Variants in MBNL3 observed in about 807,000 individuals in gnomAD.
The protein encoded by MBNL3 is muscleblind like splicing regulator 3.
A neutral mutation model predicts 24.5 loss-of-function variants in MBNL3; 6 were observed. That is an observed-to-expected ratio of 0.25 (90% CI 0.13 to 0.48). MBNL3 has a LOEUF of 0.48. Among genes scored for constraint, MBNL3 ranks in the 20% least tolerant of loss-of-function variants. The pLI is 0.99. For synonymous variants in MBNL3, 100 were observed against 101.7 expected (o/e 0.98, Z 0.10); for missense variants, 230 against 293.5 (o/e 0.78, Z 1.58).
At chrX:132,415,743 A>G (rs755245141) in intron 2 of MBNL3, among the ~76,000 whole-genome samples, 27 of 111,602 alleles carry the variant, frequency 2.4e-4, no homozygotes, top group African/African-American at 8.8e-4. Flanking sequence ...TCACACTCCT[A>G]CCCTACTACC....
At chrX:132,442,909 G>A (rs1433733422) in intron 1 of MBNL3, among the ~76,000 whole-genome samples, 1 of 111,962 alleles carries the variant, frequency 8.9e-6, no homozygotes. Flanking sequence ...GGGAGCTGGC[G>A]CAAAGATGGG....
chrX:132,440,623 AT>A (rs141167671), intron 1 of MBNL3, among the ~76,000 whole-genome samples: 2,226 of 108,191 alleles, frequency 0.021, 47 homozygotes, highest in African/African-American at 0.067. Flanking sequence ...ATCTGAAAAG[AT>A]TTTTTTTTTT....
chrX:132,386,808 G>A lies in MBNL3; in HGVS notation c.775C>T (p.Leu259=), dbSNP rs1446842906. 1 of 1,209,628 alleles carries A rather than the reference G, an allele frequency of 8.3e-7. No homozygotes were observed. The highest frequency in any genetic ancestry group is 1.8e-5 in the South Asian group (1 of 56,871). ...MNHSAASAMA[L]QPGTLQLIPK... ...ATCAGTTGCAGTGTACCAGGCTGCA[G>A]GGCCTGTGGGGGGAGAGATGGTACT... The change falls in exon 6 of 9, where the codon CTG becomes TTG. Residue 259 remains leucine (L), a synonymous_variant. Coordinates refer to ENST00000370853, the MANE Select transcript of MBNL3 (RefSeq NM_001386889.1).
At chrX:132,435,011 T>C (rs948144067) in intron 2 of MBNL3, among the ~76,000 whole-genome samples, 1 of 111,669 alleles carries the variant, frequency 9.0e-6, no homozygotes, top group African/African-American at 3.3e-5. Flanking sequence ...TGTATCACTT[T>C]TGTAACTTTT....
intron 1 of MBNL3, among the ~76,000 whole-genome samples, chrX:132,463,908 G>A (rs1946761243): frequency 8.9e-6 from 1 of 112,031 alleles, no homozygotes; most frequent in South Asian, 3.7e-4. Flanking sequence ...AAAAGGTTAA[G>A]CCATCACTGT....
intron 1 of MBNL3, among the ~76,000 whole-genome samples, chrX:132,442,712 A>G (rs1391349484): frequency 8.8e-6 from 1 of 113,111 alleles, no homozygotes; most frequent in African/African-American, 3.2e-5. Context: ...GCTTCTGGCC[A>G]TGCATTTTAT....
chrX:132,453,600 A>G (rs1245682082), intron 1 of MBNL3, among the ~76,000 whole-genome samples: 5 of 112,042 alleles, frequency 4.5e-5, no homozygotes, highest in African/African-American at 1.3e-4. Flanking sequence ...AATACTTTTC[A>G]ATCTTTATCT....
chrX:132,482,816 G>A (rs1282894762), intron 1 of MBNL3, among the ~76,000 whole-genome samples: 1 of 112,176 alleles, frequency 8.9e-6, no homozygotes, highest in African/African-American at 3.2e-5. Context: ...GTCTGGCCTT[G>A]ACCCTGGCTT....
At chrX:132,434,710 G>C (rs1412758929) in intron 2 of MBNL3, among the ~76,000 whole-genome samples, 2 of 111,851 alleles carry the variant, frequency 1.8e-5, no homozygotes, top group African/African-American at 3.3e-5. Context: ...TAACTGACCA[G>C]TATTCATCCT....
At chrX:132,396,864 ATATT>A (rs1161797818) in intron 3 of MBNL3, among the ~76,000 whole-genome samples, 2 of 68,937 alleles carry the variant, frequency 2.9e-5, no homozygotes, top group African/African-American at 5.8e-5. Flanking sequence ...ATTCATATAT[ATATT>A]CATATATACA....
intron 1 of MBNL3, among the ~76,000 whole-genome samples, chrX:132,466,525 A>C (rs1375421150): frequency 8.9e-6 from 1 of 112,310 alleles, no homozygotes; most frequent in Non-Finnish European, 1.9e-5. Context: ...AAGAGTCTTT[A>C]AGATTTGGGT....
chrX:132,420,716 G>A (rs989783477), intron 2 of MBNL3, among the ~76,000 whole-genome samples: 1 of 110,909 alleles, frequency 9.0e-6, no homozygotes, highest in African/African-American at 3.3e-5. Context: ...ATTACTCGTC[G>A]GCCTAGGAAA....
In MBNL3 at chrX:132,373,715, A is replaced by G. The variant is rs1011920442; in HGVS notation, c.*5951T>C. On this transcript the variant is annotated 3_prime_UTR_variant, in exon 9 of 9. Coordinates refer to ENST00000370853, the MANE Select transcript of MBNL3 (RefSeq NM_001386889.1). ...GGCCTCATTGCCTGGGGGCAAAAAG[A>G]AAGTTAACTGGCTATCTATAGGTGG... 8.9e-6 allele frequency: 1 copy of G among 111,991 alleles called. No homozygotes were observed. Among genetic ancestry groups the G allele is most frequent in the African/African-American group, 3.2e-5 (1 of 30,844 alleles). 9.2% of individuals were successfully genotyped at this position (111,991 alleles called of 1,213,427 possible).
intron 2 of MBNL3, chrX:132,431,358 T>G (rs1176570077): frequency 8.9e-6 from 1 of 112,160 alleles, no homozygotes; most frequent in Non-Finnish European, 1.9e-5. Flanking sequence ...CAATTTTTTT[T>G]GTAAACTATG....
At chrX:132,396,029 A>G (rs1165034926) in intron 3 of MBNL3, among the ~76,000 whole-genome samples, 2 of 110,696 alleles carry the variant, frequency 1.8e-5, no homozygotes, top group Non-Finnish European at 3.8e-5. Context: ...ATTGAAAAAA[A>G]TAAGAGAATA....
intron 2 of MBNL3, among the ~76,000 whole-genome samples, chrX:132,433,083 A>ACT (rs1224876585): frequency 9.0e-6 from 1 of 110,853 alleles, no homozygotes; most frequent in African/African-American, 3.3e-5. Context: ...ATGCACAAGG[A>ACT]CTCTCTCTCT....
intron 1 of MBNL3, among the ~76,000 whole-genome samples, chrX:132,462,230 C>T (rs1946665835): frequency 8.9e-6 from 1 of 112,124 alleles, no homozygotes; most frequent in African/African-American, 3.2e-5. Context: ...CTACCTCCCT[C>T]TCTCTCCTGT....
intron 2 of MBNL3, among the ~76,000 whole-genome samples, chrX:132,433,529 A>C (rs977047013): frequency 6.2e-5 from 7 of 112,414 alleles, no homozygotes; most frequent in Non-Finnish European, 1.3e-4. Context: ...AAGGGAGTGA[A>C]GAATAGGGAT....
chrX:132,413,161 C>T (rs1241918930), intron 2 of MBNL3, among the ~76,000 whole-genome samples: 1 of 111,525 alleles, frequency 9.0e-6, no homozygotes, highest in East Asian at 2.8e-4. Context: ...GCTTCTTTAC[C>T]TCCTTTTTCT....
Sources: gnomAD v4.1 joint callset for allele counts (sites outside exome capture counted in the v4.1 genomes callset) on GRCh38, gnomAD v4.1.1 for gene constraint, MANE v1.5 for transcripts, NCBI Gene and HGNC (gene_info 2026-07-23, HGNC 2026-07-21) for gene names.